The following TUBA8 variants were observed in gnomAD, a reference collection of about 807,000 sequenced individuals.
The protein encoded by TUBA8 is tubulin alpha-8 chain.
A neutral mutation model predicts 34.7 loss-of-function variants in TUBA8; 29 were observed. The observed-to-expected ratio is 0.84, with a 90% CI of 0.62 to 1.14. The LOEUF (loss-of-function observed/expected upper bound fraction) is 1.14, where lower values mean the gene tolerates loss of function less well. TUBA8 is among the 50% of genes most tolerant of loss of function. The pLI is 0.00. For missense variants in TUBA8, 541 were observed against 599.2 expected (o/e 0.90, Z 1.01); for synonymous variants, 226 against 231.2 (o/e 0.98, Z 0.21).
chr22:18,116,953 A>G (rs1927994287), intron 1 of TUBA8: 1 of 152,246 alleles, frequency 6.6e-6, no homozygotes, highest in Admixed American at 6.5e-5. Context: ...TGATTTCTTC[A>G]TGGAACTTCA....
Position 18,130,923 on chromosome 22 carries a change from C to T in TUBA8, c.1137C>T (p.Ser379=), listed in dbSNP as rs1292469153. 3.7e-6 allele frequency: 6 copies of T among 1,614,210 alleles called. No individual in the cohort carries two copies. Among genetic ancestry groups the T allele is most frequent in the Middle Eastern group, 1.7e-4 (1 of 6,056 alleles). ...TGCAGCGGGCCGTCTGCATGCTCAG[C>T]AACACCACGGCCATTGCGGAGGCCT... The part of the protein sequence containing the change: ...AKVQRAVCML[S]NTTAIAEAWA... The change falls in exon 5 of 5, where the codon AGC becomes AGT. Residue 379 remains serine (S), a synonymous_variant. Coordinates refer to ENST00000330423, the MANE Select transcript of TUBA8 (RefSeq NM_018943.3).
Position 18,121,370 on chromosome 22 carries a change from T to G in TUBA8, c.4-109T>G. 1.0e-6 allele frequency: 1 copy of G among 965,104 alleles called. No individual in the cohort carries two copies. The highest frequency in any genetic ancestry group is 1.7e-6 in the Non-Finnish European group (1 of 599,414). The allele number at this position is 965,104 out of a possible 1,614,324, so 59.8% of individuals were successfully genotyped here. On this transcript the variant is annotated intron_variant, in intron 1 of 4. Coordinates refer to ENST00000330423, the MANE Select transcript of TUBA8 (RefSeq NM_018943.3). This position sits in a 1 kb window ranked among gnomAD's most constrained non-coding sequence, Gnocchi z 4.8. ...CTGCAGCCTCAACGCCAACTGGCAA[T>G]GGGGGGCTGGGGCCTGGCTGGCCTG...
Position 18,131,433 on chromosome 22 carries a change from T to G in TUBA8, c.*297T>G. ...AGGAGGCCTAATCAGGAGTTTCAAT[T>G]CCAGATCGGGCTGGGTCCAGCCCCA... On this transcript the variant is annotated 3_prime_UTR_variant, in exon 5 of 5. Transcript: ENST00000330423. The surrounding 1 kb of genome is among the most constrained non-coding windows in gnomAD (Gnocchi z 5.3). 1 of 397,302 alleles carries G rather than the reference T, an allele frequency of 2.5e-6. No homozygotes were observed. Among genetic ancestry groups the G allele is most frequent in the South Asian group, 2.4e-5 (1 of 42,090 alleles). 24.6% of individuals were successfully genotyped at this position (397,302 alleles called of 1,614,324 possible). A position where few individuals can be genotyped will look rare whatever the true frequency, so the allele number is the denominator to read the frequency against.
In TUBA8 at chr22:18,121,783, G is replaced by A. The variant is rs2234326; in HGVS notation, c.226+82G>A. 0.022 allele frequency: 30,972 copies of A among 1,378,458 alleles called. 427 individuals carry two copies. The highest frequency in any genetic ancestry group is 0.029 in the Admixed American group (1,492 of 52,180). The allele number at this position is 1,378,458 out of a possible 1,614,324, so 85.4% of individuals were successfully genotyped here. On this transcript the variant is annotated intron_variant, in intron 2 of 4. Coordinates refer to ENST00000330423, the MANE Select transcript of TUBA8 (RefSeq NM_018943.3). This position sits in a 1 kb window ranked among gnomAD's most constrained non-coding sequence, Gnocchi z 4.8. The stretch of plus-strand genomic sequence containing the variant: ...GGCCCACAGTAGCTAAGGAAGCAGC[G>A]TCTCTAGCTGGAAGGTGGGGATGGT...
chr22:18,131,101 T>A lies in TUBA8; in HGVS notation c.1315T>A (p.Ser439Thr). ...EKDYEEVGTD[S>T]FEEENEGEEF is the part of the protein sequence containing the mutation. ...GGATTATGAAGAAGTGGGGACTGATTCGTTTGAAGAAGAAAATGAAGGGGA... is the reference window on the plus strand; with the variant it reads ...GGATTATGAAGAAGTGGGGACTGATACGTTTGAAGAAGAAAATGAAGGGGA... The change falls in exon 5 of 5, where the codon TCG (serine) becomes ACG (threonine). Residue 439 changes from serine to threonine, a missense_variant. Transcript: ENST00000330423. This position sits in a 1 kb window ranked among gnomAD's most constrained non-coding sequence, Gnocchi z 5.3. 6.2e-7 allele frequency: 1 copy of A among 1,614,158 alleles called. No homozygotes were observed. The highest frequency in any genetic ancestry group is 8.5e-7 in the Non-Finnish European group (1 of 1,180,022).
intron 1 of TUBA8, chr22:18,113,740 AC>A (rs1927882682): frequency 6.6e-6 from 1 of 152,388 alleles, no homozygotes; most frequent in African/African-American, 2.4e-5. Context: ...GCTGCAGGTC[AC>A]TGCTGCCTCC....
intron 1 of TUBA8, chr22:18,113,319 G>T (rs1927867342): frequency 6.6e-6 from 1 of 152,172 alleles, no homozygotes. Context: ...TGCTGGGACC[G>T]GCAGGCTACT....
At chr22:18,123,227 G>A (rs977203805) in intron 2 of TUBA8, 1 of 151,574 alleles carries the variant, frequency 6.6e-6, no homozygotes, top group African/African-American at 2.4e-5. Context: ...ATTGGCGTTG[G>A]TGTTCGATGA....
At chr22:18,115,749 C>T (rs762181450) in intron 1 of TUBA8, 3 of 152,220 alleles carry the variant, frequency 2.0e-5, no homozygotes, top group South Asian at 2.1e-4. Flanking sequence ...ACAATGCTGT[C>T]TCGAATGCAA....
intron 2 of TUBA8, chr22:18,122,447 G>T (rs1449665500): frequency 1.3e-5 from 2 of 152,412 alleles, no homozygotes; most frequent in Non-Finnish European, 2.9e-5. Flanking sequence ...TGCACAAAGT[G>T]CAGGTTACCT....
At chr22:18,123,110 CAAAAAAAAAAAAAAAAAA>C (rs1189653081) in intron 2 of TUBA8, 2 of 21,188 alleles carry the variant, frequency 9.4e-5, no homozygotes, top group East Asian at 1.6e-3. Flanking sequence ...ACCCCGTCTC[CAAAAAAAAAAAAAAAAAA>C]AAAAAAAAAA....
rs1928264358 is a variant in TUBA8, at chr22:18,124,831, G to A, written c.375+527G>A. The A allele has an allele frequency of 6.5e-6, 1 of 154,802 alleles. No individual in the cohort carries two copies. The highest frequency in any genetic ancestry group is 6.3e-5 in the Admixed American group (1 of 15,918). 9.6% of individuals were successfully genotyped at this position (154,802 alleles called of 1,614,324 possible). A position where few individuals can be genotyped will look rare whatever the true frequency, so the allele number is the denominator to read the frequency against. On this transcript the variant is annotated intron_variant, in intron 3 of 4. Transcript: ENST00000330423. This position sits in a 1 kb window ranked among gnomAD's most constrained non-coding sequence, Gnocchi z 4.3. Reference sequence around the variant, plus strand: ...CACAGCTAAAAAGTGGCAGAGCTGGGGTTTGAACTCAGTTGGACTACAAAG... The same window carrying A: ...CACAGCTAAAAAGTGGCAGAGCTGGAGTTTGAACTCAGTTGGACTACAAAG...
At position 18,131,432 on chromosome 22, in the gene TUBA8, T is replaced by G. The variant is rs2123710719; in HGVS notation, c.*296T>G. 1.0e-5 allele frequency: 4 copies of G among 394,196 alleles called. No homozygotes were observed. Among genetic ancestry groups the G allele is most frequent in the East Asian group, 5.6e-5 (1 of 17,982 alleles). The allele number at this position is 394,196 out of a possible 1,614,324, so 24.4% of individuals were successfully genotyped here. ...GAGGAGGCCTAATCAGGAGTTTCAATTCCAGATCGGGCTGGGTCCAGCCCC... is the reference window on the plus strand; with the variant it reads ...GAGGAGGCCTAATCAGGAGTTTCAAGTCCAGATCGGGCTGGGTCCAGCCCC... On this transcript the variant is annotated 3_prime_UTR_variant, in exon 5 of 5. Coordinates refer to ENST00000330423, the MANE Select transcript of TUBA8 (RefSeq NM_018943.3). This position sits in a 1 kb window ranked among gnomAD's most constrained non-coding sequence, Gnocchi z 5.3.
Position 18,121,575 on chromosome 22 carries a change from G to A in TUBA8, c.100G>A (p.Gly34Ser), listed in dbSNP as rs747815518. ...CCTGGAACACGGCATCCAGGCAGAC[G>A]GCACTTTTGATGCTCAAGCTAGCAA... ...FCLEHGIQAD[G>S]TFDAQASKIN... The change falls in exon 2 of 5, where the codon GGC becomes AGC. Residue 34 changes from glycine to serine, a missense_variant. Physicochemically the swap from Gly to Ser is moderately conservative, Grantham distance 56. Coordinates refer to ENST00000330423, the MANE Select transcript of TUBA8 (RefSeq NM_018943.3). This position sits in a 1 kb window ranked among gnomAD's most constrained non-coding sequence, Gnocchi z 4.8. The A allele has an allele frequency of 2.5e-6, 4 of 1,614,206 alleles. No individual in the cohort carries two copies. In the South Asian group the frequency reaches 3.3e-5, roughly 13 times the overall value.
In TUBA8 at chr22:18,126,149, TCA is replaced by T. The variant is rs2123705047; in HGVS notation, c.376-203_376-202del. ...AACTGCTGGGATTACAGGCATTGAG[TCA>T]CTGTGCCTGGCCCCATCCCATATTT... is the stretch of plus-strand genomic sequence containing the variant. On this transcript the variant is annotated intron_variant, in intron 3 of 4. Transcript: ENST00000330423. The surrounding 1 kb of genome is among the most constrained non-coding windows in gnomAD (Gnocchi z 4.0). 3.4e-6 allele frequency: 2 copies of T among 595,062 alleles called. No individual in the cohort carries two copies. The highest frequency in any genetic ancestry group is 5.7e-5 in the East Asian group (2 of 35,026). 36.9% of individuals were successfully genotyped at this position (595,062 alleles called of 1,614,324 possible).
rs777850992 is a variant in TUBA8, at chr22:18,121,841, G to A, written c.226+140G>A. 1 of 765,062 alleles carries A rather than the reference G, an allele frequency of 1.3e-6. No homozygotes were observed. The highest frequency in any genetic ancestry group is 2.2e-6 in the Non-Finnish European group (1 of 464,302). The allele number at this position is 765,062 out of a possible 1,614,324, so 47.4% of individuals were successfully genotyped here. On this transcript the variant is annotated intron_variant, in intron 2 of 4. Transcript: ENST00000330423. This position sits in a 1 kb window ranked among gnomAD's most constrained non-coding sequence, Gnocchi z 4.8. ...CAGCCTCCCACCCCACGTGACATCT[G>A]TCAGCTCCTTGGGGTCCCCACAGTC...
In TUBA8 at chr22:18,124,074, G is replaced by A. The variant is rs1602496289; in HGVS notation, c.227-82G>A. 2.6e-6 allele frequency: 4 copies of A among 1,567,570 alleles called. No homozygotes were observed. Among genetic ancestry groups the A allele is most frequent in the Non-Finnish European group, 3.5e-6 (4 of 1,141,164 alleles). ...TGGAGTTTTATAGGTAGGGGAGAAC[G>A]GAAGGGGTCCTGCGGTAGTGTGGTA... On this transcript the variant is annotated intron_variant, in intron 2 of 4. Transcript: ENST00000330423. This position sits in a 1 kb window ranked among gnomAD's most constrained non-coding sequence, Gnocchi z 4.3.
At chr22:18,130,233 G>A (rs1157708105) in intron 4 of TUBA8, 1 of 152,726 alleles carries the variant, frequency 6.5e-6, no homozygotes, top group Non-Finnish European at 1.5e-5. Flanking sequence ...CCACTTGGGA[G>A]AGAGTACACT....
rs1928503007 is a variant in TUBA8 at position 18,131,225 on chromosome 22, C to T, written c.*89C>T. ...AGAGAACAGAACACTCTCCCCGCCC[C>T]AGCCTGATTCCTGCCTTACCCAGGA... On this transcript the variant is annotated 3_prime_UTR_variant, in exon 5 of 5. Transcript: ENST00000330423. This position sits in a 1 kb window ranked among gnomAD's most constrained non-coding sequence, Gnocchi z 5.3. 7.0e-7 allele frequency: 1 copy of T among 1,432,898 alleles called. No homozygotes were observed. Among genetic ancestry groups the T allele is most frequent in the Middle Eastern group, 2.4e-4 (1 of 4,120 alleles). The allele number at this position is 1,432,898 out of a possible 1,614,324, so 88.8% of individuals were successfully genotyped here.
Sources: gnomAD v4.1 joint callset for allele counts on GRCh38, gnomAD v4.1.1 for gene constraint, Gnocchi (gnomAD v3.1) non-coding constraint, MANE v1.5 for transcripts, NCBI Gene and HGNC (gene_info 2026-07-23, HGNC 2026-07-21) for gene names.